Variants in CHIC2 observed in about 807,000 individuals in gnomAD.
CHIC2 encodes cysteine-rich hydrophobic domain-containing protein 2.
A neutral mutation model predicts 25.9 loss-of-function variants in CHIC2; 14 were observed. That is an observed-to-expected ratio of 0.54 (90% CI 0.36 to 0.85). CHIC2 has a LOEUF of 0.85. CHIC2 is among the 40% of genes least tolerant of loss of function. The pLI, the probability that CHIC2 is intolerant of heterozygous loss-of-function variation, is 0.01. For synonymous variants in CHIC2, 70 were observed against 72.0 expected, an observed-to-expected ratio of 0.97 and a Z score of 0.14; for missense variants, 146 against 202.0, an observed-to-expected ratio of 0.72 and a Z score of 1.68.
At chr4:54,043,839 A>C (rs897721432) in intron 3 of CHIC2, among the ~76,000 whole-genome samples, 1 of 152,230 alleles carries the variant, frequency 6.6e-6, no homozygotes, top group African/African-American at 2.4e-5. Context: ...AAATGCTCCA[A>C]TTAAAAGGCA....
the CHIC2 span, among the ~76,000 whole-genome samples, chr4:54,083,640 A>G: frequency 6.6e-6 from 1 of 152,182 alleles, no homozygotes; most frequent in Non-Finnish European, 1.5e-5. Context: ...GCTACCTTCC[A>G]AATTACTCTT....
At chr4:54,091,715 A>T in the CHIC2 span, among the ~76,000 whole-genome samples, 7 of 152,230 alleles carry the variant, frequency 4.6e-5, no homozygotes, top group Admixed American at 1.3e-4. Context: ...AAGGAAAAGC[A>T]ATCTCATTCC....
the CHIC2 span, among the ~76,000 whole-genome samples, chr4:54,070,402 TTATTTATGTATTTATG>T: frequency 8.8e-4 from 77 of 87,576 alleles, no homozygotes; most frequent in Non-Finnish European, 1.8e-3. Context: ...ATTTATTTAT[TTATTTATGTATTTATG>T]TATTTATTTA....
the CHIC2 span, among the ~76,000 whole-genome samples, chr4:54,081,080 GA>G: frequency 2.0e-5 from 3 of 149,270 alleles, no homozygotes; most frequent in Non-Finnish European, 3.0e-5. Flanking sequence ...AAAAGCTGGG[GA>G]AAAAAAAGAC....
At chr4:54,088,291 T>G in the CHIC2 span, among the ~76,000 whole-genome samples, 1 of 152,170 alleles carries the variant, frequency 6.6e-6, no homozygotes, top group Non-Finnish European at 1.5e-5. Flanking sequence ...TGAAGGGTGG[T>G]CGTTTGTTTC....
intron 1 of CHIC2, among the ~76,000 whole-genome samples, chr4:54,061,388 A>C (rs562781147): frequency 6.6e-5 from 10 of 152,310 alleles, no homozygotes; most frequent in Non-Finnish European, 1.5e-4. Flanking sequence ...GGGCTACTCA[A>C]AAGTTACATC....
chr4:54,056,623 C>G (rs531234164), intron 1 of CHIC2, among the ~76,000 whole-genome samples: 4 of 152,194 alleles, frequency 2.6e-5, no homozygotes, highest in Admixed American at 2.6e-4. Context: ...ATATATAGTA[C>G]ATTCACTTTT....
chr4:54,035,606 CTCTT>C (rs1307001570), intron 3 of CHIC2, among the ~76,000 whole-genome samples: 3 of 152,040 alleles, frequency 2.0e-5, no homozygotes, highest in African/African-American at 4.8e-5. Flanking sequence ...CTTAATTTAT[CTCTT>C]TCTTTCTCTT....
At chr4:54,025,319 TA>T (rs1716024950) in intron 3 of CHIC2, among the ~76,000 whole-genome samples, 1 of 152,150 alleles carries the variant, frequency 6.6e-6, no homozygotes, top group Non-Finnish European at 1.5e-5. Flanking sequence ...AGGTTCTTTG[TA>T]ATTCTCCCCA....
chr4:54,010,135 A>G lies in CHIC2; in HGVS notation c.458T>C (p.Ile153Thr). The change falls in exon 6 of 6, where the codon ATA becomes ACA. Residue 153 changes from isoleucine to threonine, a missense_variant. By Grantham distance (89) the Ile-to-Thr change is moderately conservative (BLOSUM62 -1). Coordinates refer to ENST00000263921, the MANE Select transcript of CHIC2 (RefSeq NM_012110.4). ...TNNMMEYVIL[I>T]EFLPKTPIFR... The stretch of plus-strand genomic sequence containing the variant: ...AATCGGTGTCTTTGGTAAAAATTCT[A>G]TGAGGATGACCTGTAAAAGGAGAAG... The G allele has an allele frequency of 1.2e-6, 2 of 1,606,736 alleles. No homozygotes were observed. Among genetic ancestry groups the G allele is most frequent in the Non-Finnish European group, 1.7e-6 (2 of 1,173,858 alleles).
the CHIC2 span, among the ~76,000 whole-genome samples, chr4:54,076,026 C>T: frequency 6.6e-6 from 1 of 150,552 alleles, no homozygotes; most frequent in East Asian, 1.9e-4. Context: ...GTGGCTCACA[C>T]CTGTAATCCT....
intron 3 of CHIC2, among the ~76,000 whole-genome samples, chr4:54,021,309 C>T (rs1020765259): frequency 1.3e-4 from 20 of 152,036 alleles, no homozygotes; most frequent in African/African-American, 4.6e-4. Context: ...ACACATTGGT[C>T]CCTCCCTAGT....
chr4:54,064,472 A>ACCGTCG lies in CHIC2; in HGVS notation c.-178_-173dup. 1.4e-6 allele frequency: 2 copies of ACCGTCG among 1,455,512 alleles called. No homozygotes were observed. The highest frequency in any genetic ancestry group is 1.8e-6 in the Non-Finnish European group (2 of 1,112,198). 90.2% of individuals were successfully genotyped at this position (1,455,512 alleles called of 1,614,324 possible). A position where few individuals can be genotyped will look rare whatever the true frequency, so the allele number is the denominator to read the frequency against. On this transcript the variant is annotated 5_prime_UTR_variant, in exon 1 of 6. Coordinates refer to ENST00000263921, the MANE Select transcript of CHIC2 (RefSeq NM_012110.4). This position sits in a 1 kb window ranked among gnomAD's most constrained non-coding sequence, Gnocchi z 4.2. Reference sequence around the variant, plus strand: ...CGGCTACAGAGGGGATGGGGTCTGGACCGTCGCCGCCACCGCCGCCGCCAT... The same window carrying ACCGTCG: ...CGGCTACAGAGGGGATGGGGTCTGGACCGTCGCCGTCGCCGCCACCGCCGCCGCCAT...
intron 1 of CHIC2, among the ~76,000 whole-genome samples, chr4:54,061,488 G>A (rs1717333467): frequency 6.6e-6 from 1 of 152,004 alleles, no homozygotes; most frequent in Non-Finnish European, 1.5e-5. Context: ...TTTCAAATTG[G>A]TAAGGGAAGA....
chr4:54,062,829 T>A (rs1165521731), intron 1 of CHIC2, among the ~76,000 whole-genome samples: 1 of 152,220 alleles, frequency 6.6e-6, no homozygotes, highest in Non-Finnish European at 1.5e-5. Context: ...TGGCAGGTTA[T>A]GAATTCTGTG....
the CHIC2 span, chr4:54,087,145 C>A: frequency 1.3e-6 from 1 of 794,730 alleles, no homozygotes; most frequent in South Asian, 1.3e-5. Context: ...TGAGGAAGAC[C>A]AGAAAGAACA....
At chr4:54,043,872 AG>A (rs1326543427) in intron 3 of CHIC2, among the ~76,000 whole-genome samples, 1 of 152,240 alleles carries the variant, frequency 6.6e-6, no homozygotes, top group Non-Finnish European at 1.5e-5. Flanking sequence ...CTGGATGAAG[AG>A]TCAAGACCCA....
At chr4:54,045,724 C>T (rs1458226574) in intron 3 of CHIC2, among the ~76,000 whole-genome samples, 21 of 152,104 alleles carry the variant, frequency 1.4e-4, no homozygotes, top group African/African-American at 5.1e-4. Context: ...GAAGCATTCC[C>T]TTTGAAAACT....
intron 3 of CHIC2, among the ~76,000 whole-genome samples, chr4:54,040,697 CTGTCTCAAAAAAAAAAA>C (rs1165037450): frequency 9.8e-6 from 1 of 101,794 alleles, no homozygotes; most frequent in African/African-American, 4.1e-5. Flanking sequence ...AAGTGAAACT[CTGTCTCAAAAAAAAAAA>C]AAAAAAAAAA....
Sources: allele counts gnomAD v4.1 joint callset (sites outside exome capture counted in the v4.1 genomes callset), GRCh38; gene constraint gnomAD v4.1.1; non-coding constraint Gnocchi (gnomAD v3.1); transcripts MANE v1.5; gene names NCBI Gene and HGNC (gene_info 2026-07-23, HGNC 2026-07-21).